The following PTPRH variants were observed in gnomAD, a reference collection of about 807,000 sequenced individuals.
PTPRH encodes protein tyrosine phosphatase receptor type H, also known as receptor-type tyrosine-protein phosphatase H.
A neutral mutation model predicts 130.2 loss-of-function variants in PTPRH; 113 were observed. The observed-to-expected ratio is 0.87, with a 90% confidence interval of 0.75 to 1.01. The LOEUF (loss-of-function observed/expected upper bound fraction) is 1.01. Ranked by LOEUF, PTPRH falls within the 50% of genes least tolerant of loss-of-function variation. The pLI is 0.00. For missense variants in PTPRH, 1,430 were observed against 1,425.0 expected, an observed-to-expected ratio of 1.00 and a Z score of -0.06; for synonymous variants, 556 against 577.9, an observed-to-expected ratio of 0.96 and a Z score of 0.54.
At chr19:55,194,310 GTGTT>G (rs1568906161) in intron 10 of PTPRH, 1 of 1,286,974 alleles carries the variant, frequency 7.8e-7, no homozygotes, top group Non-Finnish European at 1.0e-6. Flanking sequence ...TGGGAAGAGT[GTGTT>G]TGTTGACAGG....
chr19:55,207,357 T>C (rs937359896), intron 1 of PTPRH, 158 bp from the exon 2 acceptor site: 6 of 736,586 alleles, frequency 8.1e-6, no homozygotes, highest in Non-Finnish European at 1.3e-5. Context: ...ACCTCGACCG[T>C]CTTTCCTGGG....
intron 10 of PTPRH, chr19:55,191,987 G>T (rs150152817): frequency 9.8e-5 from 63 of 646,060 alleles, no homozygotes; most frequent in African/African-American, 8.9e-4. Flanking sequence ...CCTACTCAAC[G>T]CGAAGACTAC....
Position 55,203,934 on chromosome 19 carries a change from C to A in PTPRH, c.734G>T (p.Cys245Phe), listed in dbSNP as rs768299255. Residue 245 changes from cysteine (C) to phenylalanine (F), a missense_variant, in exon 5 of 20, where the codon TGC (cysteine) becomes TTC (phenylalanine). Coordinates refer to ENST00000376350, the MANE Select transcript of PTPRH (RefSeq NM_002842.5). The part of the protein sequence containing the change: ...DPQNSTYCVQ[C>F]TGDGGRTETR... ...CTCTGTTCTGCCACCATCTCCAGTG[C>A]ACTGAACGCAGTAGGTCGAGTTCTG... 3.7e-6 allele frequency: 6 copies of A among 1,614,182 alleles called. No homozygotes were observed. The highest frequency in any genetic ancestry group is 5.1e-6 in the Non-Finnish European group (6 of 1,180,030).
At position 55,205,721 on chromosome 19, in the gene PTPRH, C is replaced by G. The variant is rs981345707; in HGVS notation, c.353-129G>C. 42 of 1,333,100 alleles carry G rather than the reference C, an allele frequency of 3.2e-5. No homozygotes were observed. The Middle Eastern group carries it at 1.3e-3, about 41-fold the overall frequency. 82.6% of individuals were successfully genotyped at this position (1,333,100 alleles called of 1,614,324 possible). ...AGCTCTGCACTGTCCAGTGTGGCAG[C>G]CACGAGTTCCACGTGAGTGTTGAGC... On this transcript the variant is annotated intron_variant, in intron 3 of 19. Coordinates refer to ENST00000376350, the MANE Select transcript of PTPRH (RefSeq NM_002842.5).
intron 10 of PTPRH, among the ~76,000 whole-genome samples, chr19:55,193,090 A>G (rs10414438): frequency 0.24 from 36,857 of 151,466 alleles, 4,843 homozygotes; most frequent in African/African-American, 0.35. Flanking sequence ...TTAGCTGGGT[A>G]TGGTGGTGCA....
chr19:55,183,507 G>A (rs544701549), intron 18 of PTPRH, among the ~76,000 whole-genome samples: 142 of 151,664 alleles, frequency 9.4e-4, no homozygotes, highest in African/African-American at 3.2e-3. Flanking sequence ...GCGGATCACC[G>A]GAGGTCAGGC....
chr19:55,203,147 T>C (rs866742329), intron 5 of PTPRH, among the ~76,000 whole-genome samples: 1 of 149,844 alleles, frequency 6.7e-6, no homozygotes, highest in Admixed American at 6.6e-5. Context: ...GCTAACACGG[T>C]GAAACCCGTC....
chr19:55,204,706 G>A (rs555591740), intron 4 of PTPRH, among the ~76,000 whole-genome samples: 7 of 151,976 alleles, frequency 4.6e-5, no homozygotes, highest in Admixed American at 1.3e-4. Context: ...CTGAGCCAGC[G>A]CTTTCCAACT....
At chr19:55,184,342 C>T (rs748162999) in intron 18 of PTPRH, among the ~76,000 whole-genome samples, 7 of 151,852 alleles carry the variant, frequency 4.6e-5, no homozygotes, top group African/African-American at 9.7e-5. Context: ...GGGAGGACAC[C>T]CTTTTGCCAT....
In PTPRH at chr19:55,202,113, C is replaced by G. The variant is rs145382307; in HGVS notation, c.1096G>C (p.Val366Leu). 1.2e-6 allele frequency: 2 copies of G among 1,614,082 alleles called. No individual in the cohort carries two copies. The highest frequency in any genetic ancestry group is 2.7e-5 in the African/African-American group (2 of 74,916). The change falls in exon 6 of 20, where the codon GTG becomes CTG. Residue 366 changes from valine (V) to leucine (L), a missense_variant. By Grantham distance (32) the Val-to-Leu change is conservative. Coordinates refer to ENST00000376350, the MANE Select transcript of PTPRH (RefSeq NM_002842.5). ...TTGATTCCATTCTTCCCCACCCACACGGAAAACACATACAAACACCCGGGT... is the reference window on the plus strand; with the variant it reads ...TTGATTCCATTCTTCCCCACCCACAGGGAAAACACATACAAACACCCGGGT... ...LEPGCLYVFSVWVGKNGINSS... is the reference protein window; with the variant it reads ...LEPGCLYVFSLWVGKNGINSS...
rs371102783 is a variant in PTPRH at position 55,207,247 on chromosome 19, C to T, written c.52-48G>A. The T allele has an allele frequency of 6.7e-5, 107 of 1,596,342 alleles. 1 individual carries two copies. The highest frequency in any genetic ancestry group is 5.1e-4 in the African/African-American group (38 of 74,450). Reference sequence around the variant, plus strand: ...GGAGTCAGCCTCTCAACCACTCCTCCGCCCAGTGAGGCCGAGGGGCTGGGA... The same window carrying T: ...GGAGTCAGCCTCTCAACCACTCCTCTGCCCAGTGAGGCCGAGGGGCTGGGA... On this transcript the variant is annotated intron_variant, in intron 1 of 19. Transcript: ENST00000376350.
chr19:55,181,832 C>G lies in PTPRH; in HGVS notation c.3270G>C (p.Lys1090Asn). ...LQQSAQAPAE[K>N]EVPYEDVENL... is the part of the protein sequence containing the mutation. ...TTTCGACATCCTCATACGGGACTTC[C>G]TTCTCGGCTGGGGCCTGGGCTGACT... Residue 1090 changes from lysine (K) to asparagine (N), a missense_variant, in exon 20 of 20, where the codon AAG (lysine) becomes AAC (asparagine). Coordinates refer to ENST00000376350, the MANE Select transcript of PTPRH (RefSeq NM_002842.5). 6.2e-7 allele frequency: 1 copy of G among 1,614,206 alleles called. No individual in the cohort carries two copies. Among genetic ancestry groups the G allele is most frequent in the Middle Eastern group, 1.7e-4 (1 of 6,050 alleles).
In PTPRH at chr19:55,185,967, G is replaced by A. The variant is rs1038366860; in HGVS notation, c.2796C>T (p.Tyr932=). The change falls in exon 17 of 20, where the codon TAC becomes TAT. Residue 932 remains tyrosine, a synonymous_variant. Transcript: ENST00000376350. ...TGCAGGGCTGCGAGTCCAGAGGCCA[G>A]TAATGCTCACACTTCACCTGGGGGA... ...MEAGRVKCEH[Y]WPLDSQPCTH... is the part of the protein sequence containing the mutation. 1.2e-6 allele frequency: 2 copies of A among 1,613,874 alleles called. No individual in the cohort carries two copies. The highest frequency in any genetic ancestry group is 2.7e-5 in the African/African-American group (2 of 74,918).
At position 55,203,189 on chromosome 19, in the gene PTPRH, T is replaced by A. The variant is rs1188829894; in HGVS notation, c.886+593A>T. ...AAAAATACAAAAAATTAGCCAGGTG[T>A]GGCGGTGTGCGCCTGTAGTCCCAGC... On this transcript the variant is annotated intron_variant, in intron 5 of 19. Coordinates refer to ENST00000376350, the MANE Select transcript of PTPRH (RefSeq NM_002842.5). 2.0e-5 allele frequency among the ~76,000 whole-genome samples: 3 copies of A among 151,482 alleles called. No individual in the cohort carries two copies. The East Asian group carries it at 6.0e-4, about 30-fold the overall frequency.
At chr19:55,194,409 T>C in intron 10 of PTPRH, 1 of 1,072,754 alleles carries the variant, frequency 9.3e-7, no homozygotes, top group Non-Finnish European at 1.2e-6. Flanking sequence ...GAGGACCTGT[T>C]CTCTCAGGGA....
intron 14 of PTPRH, among the ~76,000 whole-genome samples, 166 bp downstream of exon 14, chr19:55,187,344 CAAA>C (rs58124409): frequency 6.6e-5 from 3 of 45,308 alleles, no homozygotes; most frequent in African/African-American, 1.7e-4. Context: ...GACTCCGTCT[CAAA>C]AAAAAAAAAA....
chr19:55,182,361 T>TA (rs1203415781), intron 18 of PTPRH, among the ~76,000 whole-genome samples: 2 of 152,138 alleles, frequency 1.3e-5, no homozygotes, highest in African/African-American at 4.8e-5. Flanking sequence ...CCGTCTCTTC[T>TA]AAAAATGCAA....
rs919905326 is a variant in PTPRH, at chr19:55,202,439, C to T, written c.887-117G>A. 2.4e-5 allele frequency: 35 copies of T among 1,443,422 alleles called. No individual in the cohort carries two copies. The African/African-American group carries it at 4.7e-4, about 19-fold the overall frequency. The allele number at this position is 1,443,422 out of a possible 1,614,324, so 89.4% of individuals were successfully genotyped here. ...GCAGGGAGGCCCAGTTCTGCACTGT[C>T]CAGTGTGGCAGCCACGAGTTCCACG... On this transcript the variant is annotated intron_variant, in intron 5 of 19. Transcript: ENST00000376350.
intron 10 of PTPRH, chr19:55,194,097 G>T: frequency 8.3e-7 from 1 of 1,200,646 alleles, no homozygotes; most frequent in South Asian, 1.3e-5. Flanking sequence ...TGATCCTCCC[G>T]CCTCGGCCTC....
Sources: allele counts gnomAD v4.1 joint callset (sites outside exome capture counted in the v4.1 genomes callset), GRCh38; gene constraint gnomAD v4.1.1; transcripts MANE v1.5; gene names NCBI Gene and HGNC (gene_info 2026-07-23, HGNC 2026-07-21).